Variants in ITPR1 observed in about 807,000 individuals in gnomAD.
The protein encoded by ITPR1 is inositol 1,4,5-trisphosphate-gated calcium channel ITPR1.
In ITPR1, 96 loss-of-function variants were observed where a neutral mutation model predicts 318.4. That is an observed-to-expected ratio of 0.30 (90% CI 0.26 to 0.36). ITPR1 has a LOEUF of 0.36. Among genes scored for constraint, ITPR1 ranks in the 10% least tolerant of loss-of-function variants. The pLI is 1.00. For missense variants in ITPR1, 2,440 were observed against 3,460.2 expected, an observed-to-expected ratio of 0.71 and a Z score of 7.40; for synonymous variants, 1,312 against 1,289.9, an observed-to-expected ratio of 1.02 and a Z score of -0.37.
At position 4,497,490 on chromosome 3, in the gene ITPR1, TAAAC is replaced by T. The variant is rs1231878753; in HGVS notation, c.-17+2987_-17+2990del. 7.9e-5 allele frequency among the ~76,000 whole-genome samples: 12 copies of T among 152,192 alleles called. No individual in the cohort carries two copies. The South Asian group carries it at 2.3e-3, about 29-fold the overall frequency. ...GTTGGTGGGAGGCAGCCAATATAAA[TAAAC>T]AAGTAAGTATTATAGTATTAGAGGT... On this transcript the variant is annotated intron_variant, in intron 2 of 61. Transcript: ENST00000649015.
At chr3:4,539,478 T>G (rs2084209663) in intron 4 of ITPR1, among the ~76,000 whole-genome samples, 1 of 152,218 alleles carries the variant, frequency 6.6e-6, no homozygotes, top group Non-Finnish European at 1.5e-5. Context: ...GAGACATTTG[T>G]TAAAATTTTC....
chr3:4,517,318 T>C (rs897500918), intron 3 of ITPR1, among the ~76,000 whole-genome samples: 6 of 152,206 alleles, frequency 3.9e-5, no homozygotes, highest in African/African-American at 1.4e-4. Flanking sequence ...ATGGTCTATA[T>C]TGTCTTTGTG....
At chr3:4,715,885 A>G (rs2125290270) in intron 39 of ITPR1, among the ~76,000 whole-genome samples, 1 of 152,272 alleles carries the variant, frequency 6.6e-6, no homozygotes, top group Non-Finnish European at 1.5e-5. Flanking sequence ...ATCACATATG[A>G]TGAAAGGTAG....
chr3:4,648,537 C>T (rs113228138), intron 10 of ITPR1, among the ~76,000 whole-genome samples: 4 of 151,596 alleles, frequency 2.6e-5, no homozygotes, highest in Non-Finnish European at 5.9e-5. Context: ...TGGCCAGGTG[C>T]GATGGCTCAT....
At chr3:4,515,973 T>G (rs2082143474) in intron 2 of ITPR1, among the ~76,000 whole-genome samples, 1 of 152,236 alleles carries the variant, frequency 6.6e-6, no homozygotes, top group African/African-American at 2.4e-5. Flanking sequence ...AGGTTTCTTT[T>G]TATTAATGTC....
chr3:4,510,874 G>C (rs756296247), intron 2 of ITPR1, among the ~76,000 whole-genome samples: 3 of 152,168 alleles, frequency 2.0e-5, no homozygotes, highest in Non-Finnish European at 2.9e-5. Context: ...AGCAAGGGGT[G>C]GGGTAGGGAC....
intron 60 of ITPR1, among the ~76,000 whole-genome samples, chr3:4,818,816 C>A (rs2049481776): frequency 6.6e-6 from 1 of 152,172 alleles, no homozygotes; most frequent in African/African-American, 2.4e-5. Context: ...AGCGGGGAAG[C>A]TGCTTCAGGC....
chr3:4,621,515 G>A (rs1327791602), intron 4 of ITPR1, among the ~76,000 whole-genome samples: 3 of 152,148 alleles, frequency 2.0e-5, no homozygotes, highest in Non-Finnish European at 2.9e-5. Context: ...GATTTGGTGG[G>A]GACACAGATC....
chr3:4,702,497 C>G (rs2094676962), intron 35 of ITPR1, among the ~76,000 whole-genome samples: 1 of 152,200 alleles, frequency 6.6e-6, no homozygotes, highest in Admixed American at 6.5e-5. Flanking sequence ...TGCCTAAAGT[C>G]ATGCAGCTGC....
chr3:4,640,851 C>T (rs113082373), intron 6 of ITPR1, among the ~76,000 whole-genome samples: 5,419 of 152,238 alleles, frequency 0.036, 134 homozygotes, highest in Non-Finnish European at 0.053. Context: ...AGGTAACTTT[C>T]GTTTATAAAC....
At chr3:4,522,473 A>G (rs1421981495) in intron 4 of ITPR1, among the ~76,000 whole-genome samples, 2 of 152,352 alleles carry the variant, frequency 1.3e-5, no homozygotes, top group East Asian at 3.9e-4. Flanking sequence ...AGTTGCATCC[A>G]GTTGGCGTGA....
At chr3:4,749,600 T>C (rs1213837737) in intron 44 of ITPR1, 1 of 152,222 alleles carries the variant, frequency 6.6e-6, no homozygotes, top group African/African-American at 2.4e-5. Context: ...TCGCATTATC[T>C]GTTTGAAAGT....
chr3:4,651,387 A>T (rs1460962525), intron 10 of ITPR1, among the ~76,000 whole-genome samples: 1 of 152,096 alleles, frequency 6.6e-6, no homozygotes, highest in Admixed American at 6.6e-5. Context: ...CCTTAACTCC[A>T]TGAGCTTCAT....
intron 5 of ITPR1, among the ~76,000 whole-genome samples, chr3:4,635,540 T>C (rs1575825399): frequency 4.0e-5 from 6 of 151,766 alleles, no homozygotes; most frequent in East Asian, 2.0e-4. Flanking sequence ...AGAGACGGGG[T>C]TTCCCTGTGT....
chr3:4,718,114 C>G (rs1359442269), intron 40 of ITPR1, among the ~76,000 whole-genome samples: 1 of 152,100 alleles, frequency 6.6e-6, no homozygotes, highest in Non-Finnish European at 1.5e-5. Context: ...GATCTGGGGG[C>G]CTCTTGAATG....
chr3:4,763,665 G>GA (rs1205517163), intron 44 of ITPR1, among the ~76,000 whole-genome samples: 2 of 152,160 alleles, frequency 1.3e-5, no homozygotes, highest in Non-Finnish European at 2.9e-5. Flanking sequence ...ACCCTTGAGC[G>GA]ACTGAGGACT....
intron 4 of ITPR1, among the ~76,000 whole-genome samples, chr3:4,576,034 A>G (rs1292414622): frequency 6.6e-6 from 1 of 151,752 alleles, no homozygotes; most frequent in African/African-American, 2.4e-5. Context: ...AAAAAAAAAA[A>G]AGAAATGTGG....
chr3:4,670,575 A>G (rs1308586890), intron 19 of ITPR1, among the ~76,000 whole-genome samples, 154 bp from the exon 20 acceptor site: 2 of 152,218 alleles, frequency 1.3e-5, no homozygotes, highest in Non-Finnish European at 2.9e-5. Context: ...GTTACAGTAT[A>G]TGAAGATGTT....
intron 61 of ITPR1, among the ~76,000 whole-genome samples, chr3:4,841,518 TG>T (rs1422002432): frequency 1.3e-5 from 2 of 152,200 alleles, no homozygotes; most frequent in Admixed American, 6.5e-5. Context: ...CATTAGGTAC[TG>T]GGGCTACAAA....
Sources: allele counts gnomAD v4.1 joint callset (sites outside exome capture counted in the v4.1 genomes callset), GRCh38; gene constraint gnomAD v4.1.1; transcripts MANE v1.5; gene names NCBI Gene and HGNC (gene_info 2026-07-23, HGNC 2026-07-21).